The following ZNF239 variants were observed in gnomAD, a reference collection of about 807,000 sequenced individuals.
The protein encoded by ZNF239 is zinc finger protein (C2H2) homologous to mouse MOK-2.
Under a neutral mutation model 27.5 loss-of-function variants are expected in ZNF239, and 16 were observed. The ratio of observed to expected loss-of-function variants is 0.58; its 90% confidence interval spans 0.39 to 0.88. The LOEUF (loss-of-function observed/expected upper bound fraction) is 0.88, where lower values mean the gene tolerates loss of function less well. ZNF239 is among the 40% of genes least tolerant of loss of function. The probability of loss-of-function intolerance (pLI) is 0.00; values close to 1 mark genes in which losing one functional copy is unlikely to be tolerated. For missense variants in ZNF239, 527 were observed against 551.9 expected, an observed-to-expected ratio of 0.95 and a Z score of 0.45; for synonymous variants, 199 against 192.6, an observed-to-expected ratio of 1.03 and a Z score of -0.27.
intron 3 of ZNF239, among the ~76,000 whole-genome samples, chr10:43,559,189 C>G (rs904186563): frequency 2.0e-5 from 3 of 152,166 alleles, no homozygotes; most frequent in Non-Finnish European, 4.4e-5. Flanking sequence ...GGCTTAGTGT[C>G]TAATAATAAG....
intron 3 of ZNF239, among the ~76,000 whole-genome samples, chr10:43,563,925 C>G (rs1837453072): frequency 6.6e-6 from 1 of 152,150 alleles, no homozygotes; most frequent in Non-Finnish European, 1.5e-5. Context: ...TCCCAAGAAG[C>G]TGGGATTACA....
At chr10:43,558,829 C>G (rs1242207187) in intron 3 of ZNF239, among the ~76,000 whole-genome samples, 1 of 152,132 alleles carries the variant, frequency 6.6e-6, no homozygotes, top group African/African-American at 2.4e-5. Flanking sequence ...AAATATAAAT[C>G]CTTTTGCTTA....
chr10:43,569,118 C>T (rs9422540), intron 2 of ZNF239, among the ~76,000 whole-genome samples: 70,211 of 152,064 alleles, frequency 0.46, 17,706 homozygotes, highest in South Asian at 0.61. Flanking sequence ...AACAGCCACA[C>T]GAACCACTCA....
rs368560660 is a variant in ZNF239, at chr10:43,566,097, T to A, written c.-93+1802A>T. Among the ~76,000 whole-genome samples the A allele has an allele frequency of 2.0e-5, 3 of 152,004 alleles. No homozygotes were observed. In the East Asian group the frequency reaches 5.8e-4, roughly 29 times the overall value. On this transcript the variant is annotated intron_variant, in intron 3 of 3. Coordinates refer to ENST00000374446, the MANE Select transcript of ZNF239 (RefSeq NM_001099282.2). ...ACAAGAACAGAGCACAGGCACTGGG[T>A]TTATATAAAGAACGTGGAAAGGCCT...
intron 2 of ZNF239, among the ~76,000 whole-genome samples, chr10:43,572,282 T>C (rs1030321284): frequency 3.9e-5 from 6 of 152,176 alleles, no homozygotes; most frequent in African/African-American, 1.4e-4. Context: ...GAAAATGTAT[T>C]GATTCTACTA....
chr10:43,557,919 C>T lies in ZNF239; in HGVS notation c.161G>A (p.Cys54Tyr). The T allele has an allele frequency of 6.2e-7, 1 of 1,614,172 alleles. No homozygotes were observed. The highest frequency in any genetic ancestry group is 8.5e-7 in the Non-Finnish European group (1 of 1,180,022). Residue 54 changes from cysteine (C) to tyrosine (Y), a missense_variant, in exon 4 of 4, where the codon TGT becomes TAT. Coordinates refer to ENST00000374446, the MANE Select transcript of ZNF239 (RefSeq NM_001099282.2). ...TGTTTCACTTTCAATGTTTTCGAAA[C>T]AACCACTTTGAAGAGTCATCACACT... Reference protein sequence around the residue: ...RDSVMTLQSGCFENIESETYL... With the variant: ...RDSVMTLQSGYFENIESETYL...
At position 43,559,538 on chromosome 10, in the gene ZNF239, T is replaced by C. The variant is rs1231613847; in HGVS notation, c.-92-1367A>G. ...GCTGAAGTAGGGAAGGCAGCAGAAC[T>C]GCCTTGTATAATCTGTGGTGTTGGT... On this transcript the variant is annotated intron_variant, in intron 3 of 3. Coordinates refer to ENST00000374446, the MANE Select transcript of ZNF239 (RefSeq NM_001099282.2). 2.0e-5 allele frequency among the ~76,000 whole-genome samples: 3 copies of C among 152,190 alleles called. No homozygotes were observed. In the East Asian group the frequency reaches 5.8e-4, roughly 29 times the overall value.
At chr10:43,564,295 A>T (rs894931182) in intron 3 of ZNF239, 1 of 983,944 alleles carries the variant, frequency 1.0e-6, no homozygotes, top group Middle Eastern at 5.2e-4. Context: ...GTATAGTAAC[A>T]CTCCAAAGAA....
chr10:43,558,566 A>G (rs1312059583), intron 3 of ZNF239, among the ~76,000 whole-genome samples: 2 of 151,946 alleles, frequency 1.3e-5, no homozygotes, highest in African/African-American at 2.4e-5. Flanking sequence ...TTCCCACCTC[A>G]GCCTCCCAAG....
At chr10:43,558,609 C>T (rs1836985132) in intron 3 of ZNF239, among the ~76,000 whole-genome samples, 1 of 152,084 alleles carries the variant, frequency 6.6e-6, no homozygotes, top group Non-Finnish European at 1.5e-5. Context: ...CCATCATGCC[C>T]AGCTAATTTT....
At chr10:43,561,929 T>A (rs537457036) in intron 3 of ZNF239, among the ~76,000 whole-genome samples, 1 of 152,032 alleles carries the variant, frequency 6.6e-6, no homozygotes, top group South Asian at 2.1e-4. Flanking sequence ...CCAAATAAAA[T>A]ATATTTTTAA....
chr10:43,570,454 GA>G (rs890724385), intron 2 of ZNF239: 154 of 984,220 alleles, frequency 1.6e-4, no homozygotes, highest in East Asian at 2.3e-4. Context: ...AGACCACAGA[GA>G]AAAAAAAATT....
At chr10:43,570,412 C>T in intron 2 of ZNF239, 1 of 985,336 alleles carries the variant, frequency 1.0e-6, no homozygotes, top group Non-Finnish European at 1.2e-6. Context: ...AGCAAGTGGA[C>T]TGGCTGCTCT....
chr10:43,556,496 T>C lies in ZNF239; in HGVS notation c.*207A>G. On this transcript the variant is annotated 3_prime_UTR_variant, in exon 4 of 4. Transcript: ENST00000374446. ...TACAGACACTTTTACTCTACCCATC[T>C]GAGAAACAAGAACAATCCATTCATT... The C allele has an allele frequency of 1.6e-6, 1 of 635,638 alleles. No homozygotes were observed. Among genetic ancestry groups the C allele is most frequent in the South Asian group, 2.4e-5 (1 of 41,398 alleles). 39.4% of individuals were successfully genotyped at this position (635,638 alleles called of 1,614,324 possible). A position where few individuals can be genotyped will look rare whatever the true frequency, so the allele number is the denominator to read the frequency against.
intron 3 of ZNF239, among the ~76,000 whole-genome samples, chr10:43,562,585 G>A (rs1837330552): frequency 6.6e-6 from 1 of 152,168 alleles, no homozygotes; most frequent in Non-Finnish European, 1.5e-5. Context: ...TAAACATATT[G>A]TCTGGAGTAG....
chr10:43,564,839 C>T (rs1035863620), intron 3 of ZNF239, among the ~76,000 whole-genome samples: 8 of 151,428 alleles, frequency 5.3e-5, no homozygotes, highest in Admixed American at 3.3e-4. Flanking sequence ...CAAGAGAAAC[C>T]GAATATAGTC....
intron 3 of ZNF239, among the ~76,000 whole-genome samples, chr10:43,559,102 C>T (rs1470825076): frequency 6.6e-6 from 1 of 152,098 alleles, no homozygotes; most frequent in Non-Finnish European, 1.5e-5. Context: ...CTACAAGCGG[C>T]TTCTTACGAA....
At chr10:43,562,262 C>G (rs73262961) in intron 3 of ZNF239, among the ~76,000 whole-genome samples, 2 of 152,194 alleles carry the variant, frequency 1.3e-5, no homozygotes, top group Admixed American at 6.5e-5. Flanking sequence ...AGCACAAACC[C>G]GAAGTCTGAA....
At chr10:43,560,642 CAAAAAAAAAAAAAA>C (rs67395934) in intron 3 of ZNF239, among the ~76,000 whole-genome samples, 3 of 68,416 alleles carry the variant, frequency 4.4e-5, no homozygotes, top group African/African-American at 1.7e-4. Flanking sequence ...TGCCAACTGT[CAAAAAAAAAAAAAA>C]AAAAAAAAAA....
Sources: allele counts gnomAD v4.1 joint callset (sites outside exome capture counted in the v4.1 genomes callset), GRCh38; gene constraint gnomAD v4.1.1; transcripts MANE v1.5; gene names NCBI Gene and HGNC (gene_info 2026-07-23, HGNC 2026-07-21).